The following SLC28A2 variants were observed in gnomAD, a reference collection of about 807,000 sequenced individuals.
SLC28A2 encodes solute carrier family 28 member 2, also known as sodium/nucleoside cotransporter 2.
In SLC28A2, 69 loss-of-function variants were observed where a neutral mutation model predicts 72.9. The ratio of observed to expected loss-of-function variants is 0.95; its 90% confidence interval spans 0.78 to 1.16. SLC28A2 has a LOEUF of 1.16. Ranked by LOEUF, SLC28A2 falls within the 50% of genes most tolerant of loss-of-function variation. The probability of loss-of-function intolerance (pLI) is 0.00; values close to 1 mark genes in which losing one functional copy is unlikely to be tolerated. For synonymous variants in SLC28A2, 296 were observed against 294.1 expected (o/e 1.01, Z -0.07); for missense variants, 745 against 791.1 (o/e 0.94, Z 0.70).
chr15:45,253,468 G>A lies in SLC28A2; in HGVS notation c.118G>A (p.Asp40Asn). The A allele has an allele frequency of 6.2e-7, 1 of 1,614,060 alleles. No homozygotes were observed. Among genetic ancestry groups the A allele is most frequent in the Non-Finnish European group, 8.5e-7 (1 of 1,179,908 alleles). Residue 40 changes from aspartate (D) to asparagine (N), a missense_variant, in exon 3 of 18, where the codon GAC (aspartate) becomes AAC (asparagine). Coordinates refer to ENST00000347644, the MANE Select transcript of SLC28A2 (RefSeq NM_004212.4). ...EVEPEGSKRTDAQGHSLGDGL... is the reference protein window; with the variant it reads ...EVEPEGSKRTNAQGHSLGDGL... Reference sequence around the variant, plus strand: ...AGAGCCTGAGGGAAGCAAGAGGACTGACGCACAAGGACACAGCCTGGGGGA... The same window carrying A: ...AGAGCCTGAGGGAAGCAAGAGGACTAACGCACAAGGACACAGCCTGGGGGA...
At chr15:45,257,664 G>A (rs2413772) in intron 3 of SLC28A2, among the ~76,000 whole-genome samples, 71,955 of 151,918 alleles carry the variant, frequency 0.47, 20,715 homozygotes, top group Non-Finnish European at 0.67. Context: ...ATGATCTGGG[G>A]TGCTTTGTAG....
chr15:45,262,521 G>A (rs1900193680), intron 4 of SLC28A2, among the ~76,000 whole-genome samples: 1 of 152,114 alleles, frequency 6.6e-6, no homozygotes, highest in South Asian at 2.1e-4. Flanking sequence ...AAAACATACT[G>A]TCAGTGGTAT....
At chr15:45,267,089 C>T (rs1354162529) in intron 10 of SLC28A2, among the ~76,000 whole-genome samples, 1 of 152,186 alleles carries the variant, frequency 6.6e-6, no homozygotes, top group Non-Finnish European at 1.5e-5. Context: ...AATATGTTCT[C>T]ATTAAGTGCA....
intron 4 of SLC28A2, 42 bp from the exon 5 acceptor site, chr15:45,263,018 AG>A: frequency 1.3e-6 from 2 of 1,541,760 alleles, no homozygotes; most frequent in Non-Finnish European, 1.8e-6. Flanking sequence ...GCCCATTGGA[AG>A]CACTGCCTTG....
At chr15:45,255,049 A>T (rs1301159580) in intron 3 of SLC28A2, 1 of 151,968 alleles carries the variant, frequency 6.6e-6, no homozygotes, top group Non-Finnish European at 1.5e-5. Context: ...GAGCCCAGGA[A>T]TTCAAGACCA....
rs771391288 is a variant in SLC28A2, at chr15:45,269,391, G to A, written c.1422G>A (p.Trp474Ter). Reference sequence around the variant, plus strand: ...TGGTTTTCATGATGGGTGTAGAGTGGACAGACTGTCCAATGGTGGCTGAGA... The same window carrying A: ...TGGTTTTCATGATGGGTGTAGAGTGAACAGACTGTCCAATGGTGGCTGAGA... ...RPMVFMMGVE[W>*]TDCPMVAEMV... The change falls in exon 14 of 18, where the codon TGG becomes TGA. Residue 474 changes from tryptophan (W) to a stop codon, truncating the protein, a stop_gained. Transcript: ENST00000347644. LOFTEE classifies it high-confidence loss of function. 1 of 1,614,010 alleles carries A rather than the reference G, an allele frequency of 6.2e-7. No homozygotes were observed. Among genetic ancestry groups the A allele is most frequent in the South Asian group, 1.1e-5 (1 of 91,062 alleles).
Position 45,272,739 on chromosome 15 carries a change from A to C in SLC28A2, c.1814A>C (p.Asn605Thr). The C allele has an allele frequency of 1.9e-6, 3 of 1,613,040 alleles. No individual in the cohort carries two copies. Among genetic ancestry groups the C allele is most frequent in the Non-Finnish European group, 2.5e-6 (3 of 1,179,022 alleles). The change falls in exon 17 of 18, where the codon AAT becomes ACT. Residue 605 changes from asparagine (N) to threonine (T), a missense_variant. By Grantham distance (65) the Asn-to-Thr change is moderately conservative. Coordinates refer to ENST00000347644, the MANE Select transcript of SLC28A2 (RefSeq NM_004212.4). ...TCCTTCCCAAACACAAGTTTCACCA[A>C]TAGAACCTATGAGACCTACATGTGC... ...CVSFPNTSFTNRTYETYMCCR... is the reference protein window; with the variant it reads ...CVSFPNTSFTTRTYETYMCCR...
In SLC28A2 at chr15:45,266,179, T is replaced by G. The variant is rs199663174; in HGVS notation, c.942+18T>G. The G allele has an allele frequency of 3.8e-5, 60 of 1,581,184 alleles. 1 individual carries two copies. The Admixed American group carries it at 7.5e-4, about 20-fold the overall frequency. On this transcript the variant is annotated intron_variant, in intron 10 of 17. Transcript: ENST00000347644. Reference sequence around the variant, plus strand: ...TGGGTATGGTAAGCACCTTGAGGACTTTTGGTCTTCTTCCCTCTGAGGAAC... The same window carrying G: ...TGGGTATGGTAAGCACCTTGAGGACGTTTGGTCTTCTTCCCTCTGAGGAAC...
In SLC28A2 at chr15:45,258,136, T is replaced by C. The variant is rs542665217; in HGVS notation, c.171-3879T>C. Among the ~76,000 whole-genome samples, 6 of 152,266 alleles carry C rather than the reference T, an allele frequency of 3.9e-5. No individual in the cohort carries two copies. The South Asian group carries it at 1.2e-3, about 32-fold the overall frequency. On this transcript the variant is annotated intron_variant, in intron 3 of 17. Coordinates refer to ENST00000347644, the MANE Select transcript of SLC28A2 (RefSeq NM_004212.4). ...TACTCGGGAGGCTGAGGCAGGAGAA[T>C]TTCTTGAACCTGGGAGGCGGAGGTT...
chr15:45,264,541 C>T, intron 6 of SLC28A2, 114 bp from the exon 7 acceptor site: 1 of 714,974 alleles, frequency 1.4e-6, no homozygotes, highest in Non-Finnish European at 2.5e-6. Context: ...CCATCAGACC[C>T]TAGACTTACT....
In SLC28A2 at chr15:45,272,404, C is replaced by A. The variant is rs926510230; in HGVS notation, c.1747+11C>A. Reference sequence around the variant, plus strand: ...GTGCCTGTATGGCAGGTAGGTGCCTCAGCTCTGATGGAGATACTGCTGCAT... The same window carrying A: ...GTGCCTGTATGGCAGGTAGGTGCCTAAGCTCTGATGGAGATACTGCTGCAT... On this transcript the variant is annotated intron_variant, in intron 16 of 17. Transcript: ENST00000347644. The A allele has an allele frequency of 3.1e-6, 5 of 1,597,504 alleles. No individual in the cohort carries two copies. In the Admixed American group the frequency reaches 8.4e-5, roughly 27 times the overall value.
Position 45,263,142 on chromosome 15 carries a change from T to C in SLC28A2, c.344T>C (p.Ile115Thr). 1.2e-6 allele frequency: 2 copies of C among 1,614,062 alleles called. No individual in the cohort carries two copies. The highest frequency in any genetic ancestry group is 2.2e-5 in the East Asian group (1 of 44,886). ...LALFVITCLV[I>T]FVLVHSFLKK... Reference sequence around the variant, plus strand: ...TTGTTTGTCATCACCTGCTTGGTGATCTTTGTCCTGGTTCACTCGTTTTTG... The same window carrying C: ...TTGTTTGTCATCACCTGCTTGGTGACCTTTGTCCTGGTTCACTCGTTTTTG... The change falls in exon 5 of 18, where the codon ATC becomes ACC. Residue 115 changes from isoleucine to threonine, a missense_variant. Coordinates refer to ENST00000347644, the MANE Select transcript of SLC28A2 (RefSeq NM_004212.4).
chr15:45,253,568 G>A (rs1290740659), intron 3 of SLC28A2, 48 bp downstream of exon 3: 10 of 1,310,706 alleles, frequency 7.6e-6, no homozygotes, highest in Non-Finnish European at 9.9e-6. Context: ...ATCTAGGGTG[G>A]GCTGCCCCTT....
rs759007858 is a variant in SLC28A2 at position 45,268,247 on chromosome 15, G to C, written c.1237G>C (p.Ala413Pro). Residue 413 changes from alanine (A) to proline (P), a missense_variant, in exon 13 of 18, where the codon GCC (alanine) becomes CCC (proline). By Grantham distance (27) the Ala-to-Pro change is conservative (BLOSUM62 -1). Coordinates refer to ENST00000347644, the MANE Select transcript of SLC28A2 (RefSeq NM_004212.4). ...RNVLEAASNG[A>P]VDAIGLATNV... The stretch of plus-strand genomic sequence containing the variant: ...TGTCCTGGAAGCTGCCAGCAACGGA[G>C]CCGTAGATGCCATAGGCCTTGCTAC... 1.2e-6 allele frequency: 2 copies of C among 1,610,572 alleles called. No homozygotes were observed. The highest frequency in any genetic ancestry group is 2.2e-5 in the South Asian group (2 of 91,008).
At position 45,269,438 on chromosome 15, in the gene SLC28A2, T is replaced by G; in HGVS notation, c.1469T>G (p.Ile490Arg). ...GAGATGGTGGGAATCAAGTTCTTCA[T>G]AAATGAGTTTGTGGCTTATCAGCAA... The part of the protein sequence containing the change: ...VAEMVGIKFF[I>R]NEFVAYQQLS... Residue 490 changes from isoleucine to arginine, a missense_variant, in exon 14 of 18, where the codon ATA (isoleucine) becomes AGA (arginine). Physicochemically the swap from Ile to Arg is moderately conservative, Grantham distance 97. Coordinates refer to ENST00000347644, the MANE Select transcript of SLC28A2 (RefSeq NM_004212.4). 6.2e-7 allele frequency: 1 copy of G among 1,614,104 alleles called. No individual in the cohort carries two copies. Among genetic ancestry groups the G allele is most frequent in the Non-Finnish European group, 8.5e-7 (1 of 1,179,944 alleles).
rs745495319 is a variant in SLC28A2, at chr15:45,253,283, G to A, written c.68G>A (p.Gly23Glu). The change falls in exon 2 of 18, where the codon GGG becomes GAG. Residue 23 changes from glycine to glutamate, a missense_variant. Physicochemically the swap from Gly to Glu is moderately conservative, Grantham distance 98. Transcript: ENST00000347644. Reference sequence around the variant, plus strand: ...GTGGAGACTGGCACAGTGAACCCGGGGCTGGAGCTCATGGTAATCACCAGT... The same window carrying A: ...GTGGAGACTGGCACAGTGAACCCGGAGCTGGAGCTCATGGTAATCACCAGT... ...STVETGTVNP[G>E]LELMEKEVEP... 3 of 1,612,574 alleles carry A rather than the reference G, an allele frequency of 1.9e-6. No homozygotes were observed. The highest frequency in any genetic ancestry group is 1.7e-6 in the Non-Finnish European group (2 of 1,178,638).
rs772711465 is a variant in SLC28A2 at position 45,263,925 on chromosome 15, C to A, written c.491C>A (p.Ala164Asp). 2 of 1,613,556 alleles carry A rather than the reference C, an allele frequency of 1.2e-6. No homozygotes were observed. Among genetic ancestry groups the A allele is most frequent in the Admixed American group, 1.7e-5 (1 of 59,974 alleles). The change falls in exon 6 of 18, where the codon GCT becomes GAT. Residue 164 changes from alanine (A) to aspartate (D), a missense_variant. Physicochemically the swap from Ala to Asp is moderately radical, Grantham distance 126. Coordinates refer to ENST00000347644, the MANE Select transcript of SLC28A2 (RefSeq NM_004212.4). Reference protein sequence around the residue: ...VSLVGLILWLALDTAQRPEQL... With the variant: ...VSLVGLILWLDLDTAQRPEQL... ...TTGGTTGGCCTTATACTGTGGTTGGCTTTAGACACAGCCCAAAGGCCAGAG... is the reference window on the plus strand; with the variant it reads ...TTGGTTGGCCTTATACTGTGGTTGGATTTAGACACAGCCCAAAGGCCAGAG...
intron 13 of SLC28A2, 97 bp from the exon 14 acceptor site, chr15:45,269,241 T>A (rs751828377): frequency 7.4e-5 from 67 of 900,690 alleles, no homozygotes; most frequent in Non-Finnish European, 1.0e-4. Context: ...AATAGAAGGG[T>A]GGAAGAGATT....
At chr15:45,264,590 T>TA (rs988712690) in intron 6 of SLC28A2, 65 bp from the exon 7 acceptor site, 18 of 1,145,086 alleles carry the variant, frequency 1.6e-5, no homozygotes, top group Non-Finnish European at 2.3e-5. Context: ...AGTACATGTT[T>TA]AAAACTCCAA....
Sources: gnomAD v4.1 joint callset for allele counts (sites outside exome capture counted in the v4.1 genomes callset) on GRCh38, gnomAD v4.1.1 for gene constraint, MANE v1.5 for transcripts, NCBI Gene and HGNC (gene_info 2026-07-23, HGNC 2026-07-21) for gene names.